TIAM1: variants seen among roughly 807,000 people sequenced by gnomAD.
TIAM1 encodes TIAM Rac1 associated GEF 1, also known as rho guanine nucleotide exchange factor TIAM1.
A neutral mutation model predicts 163.5 loss-of-function variants in TIAM1; 65 were observed. The observed-to-expected ratio is 0.40, with a 90% CI of 0.33 to 0.49. TIAM1 has a LOEUF of 0.49. Ranked by LOEUF, TIAM1 falls within the 20% of genes least tolerant of loss-of-function variation. The pLI, the probability that TIAM1 is intolerant of heterozygous loss-of-function variation, is 0.77. For synonymous variants in TIAM1, 833 were observed against 810.1 expected, an observed-to-expected ratio of 1.03 and a Z score of -0.48; for missense variants, 1,789 against 2,044.7, an observed-to-expected ratio of 0.87 and a Z score of 2.41.
At chr21:31,423,078 GA>G (rs1348431635) in intron 2 of TIAM1, among the ~76,000 whole-genome samples, 1 of 141,696 alleles carries the variant, frequency 7.1e-6, no homozygotes, top group African/African-American at 2.6e-5. Flanking sequence ...AGAGAACTGT[GA>G]ACAGCACTAT....
intron 2 of TIAM1, among the ~76,000 whole-genome samples, chr21:31,290,602 G>A (rs1203717330): frequency 7.3e-6 from 1 of 136,276 alleles, no homozygotes; most frequent in Non-Finnish European, 1.5e-5. Context: ...AGCCAAGGTT[G>A]CCCCACTGCA....
chr21:31,432,267 AT>A (rs2044066049), intron 2 of TIAM1, among the ~76,000 whole-genome samples: 1 of 151,840 alleles, frequency 6.6e-6, no homozygotes, highest in African/African-American at 2.4e-5. Context: ...TGCCCAGCTA[AT>A]TTTTGTATTT....
chr21:31,541,882 C>A (rs767651206), intron 1 of TIAM1, among the ~76,000 whole-genome samples: 4 of 152,214 alleles, frequency 2.6e-5, no homozygotes, highest in African/African-American at 2.4e-5. Context: ...ATGTGCAGCA[C>A]AAAATCCCTT....
rs1404956207 is a variant in TIAM1 at position 31,492,402 on chromosome 21, T to C, written c.-421-28367A>G. On this transcript the variant is annotated intron_variant, in intron 1 of 28. Coordinates refer to the TIAM1 transcript ENST00000286827. ...TCACCTGAGACGAAGGCATATCTGA[T>C]TGCTTCCTCCACCACACTGTTTATG... 2.6e-5 allele frequency among the ~76,000 whole-genome samples: 4 copies of C among 152,168 alleles called. No individual in the cohort carries two copies. In the East Asian group the frequency reaches 7.7e-4, roughly 29 times the overall value.
In TIAM1 at chr21:31,172,479, G is replaced by A. The variant is rs759034350; in HGVS notation, c.2888-7414C>T. Among the ~76,000 whole-genome samples, 6 of 152,244 alleles carry A rather than the reference G, an allele frequency of 3.9e-5. No individual in the cohort carries two copies. In the South Asian group the frequency reaches 1.2e-3, roughly 32 times the overall value. ...ACCTACTTACCAGGAAACAAAGCAC[G>A]ACAGCTCTGCTACCAATCAGAGAGA... On this transcript the variant is annotated intron_variant, in intron 15 of 27. Coordinates refer to ENST00000541036, the MANE Select transcript of TIAM1 (RefSeq NM_001353694.2).
In TIAM1 at chr21:31,193,808, G is replaced by A. The variant is rs1012124545; in HGVS notation, c.2575+1416C>T. 7.2e-5 allele frequency among the ~76,000 whole-genome samples: 11 copies of A among 152,302 alleles called. No homozygotes were observed. The East Asian group carries it at 9.7e-4, about 13-fold the overall frequency. On this transcript the variant is annotated intron_variant, in intron 13 of 27. Coordinates refer to ENST00000541036, the MANE Select transcript of TIAM1 (RefSeq NM_001353694.2). ...GGTGAGTGCCGGCAGTGTGAATCGGGAAAAGCTAGCTGGGACTAAGCATGT... is the reference window on the plus strand; with the variant it reads ...GGTGAGTGCCGGCAGTGTGAATCGGAAAAAGCTAGCTGGGACTAAGCATGT...
intron 19 of TIAM1, among the ~76,000 whole-genome samples, chr21:31,148,804 C>T (rs763104262): frequency 2.6e-5 from 4 of 152,206 alleles, no homozygotes; most frequent in South Asian, 4.1e-4. Flanking sequence ...TGTAGGACTT[C>T]AGAACGCTTC....
intron 1 of TIAM1, among the ~76,000 whole-genome samples, chr21:31,520,199 C>T (rs899746908): frequency 1.3e-4 from 20 of 151,864 alleles, no homozygotes; most frequent in Non-Finnish European, 2.2e-4. Flanking sequence ...GGTGTGGTGG[C>T]GCATGCCTAT....
chr21:31,518,273 G>GT (rs2047448164), intron 1 of TIAM1, among the ~76,000 whole-genome samples: 2 of 151,856 alleles, frequency 1.3e-5, no homozygotes, highest in African/African-American at 2.4e-5. Context: ...AATGAGTGGG[G>GT]TTTTTTTGTG....
chr21:31,391,217 G>T (rs1477571736), intron 2 of TIAM1, among the ~76,000 whole-genome samples: 1 of 152,176 alleles, frequency 6.6e-6, no homozygotes, highest in Non-Finnish European at 1.5e-5. Context: ...GGAGCCAGGG[G>T]TGGGAGGATA....
intron 1 of TIAM1, among the ~76,000 whole-genome samples, chr21:31,491,746 A>C (rs2046475261): frequency 6.6e-6 from 1 of 152,264 alleles, no homozygotes. Context: ...CCCCAAGTTT[A>C]GACATTAAAT....
intron 15 of TIAM1, among the ~76,000 whole-genome samples, chr21:31,174,666 A>T (rs2084678465): frequency 6.6e-6 from 1 of 151,940 alleles, no homozygotes; most frequent in African/African-American, 2.4e-5. Flanking sequence ...TCTTTTTTTG[A>T]GAGAGAGTTT....
chr21:31,405,477 G>A (rs2077231399), intron 2 of TIAM1, among the ~76,000 whole-genome samples: 1 of 151,972 alleles, frequency 6.6e-6, no homozygotes, highest in African/African-American at 2.4e-5. Context: ...CCCTGTATTA[G>A]TCCACTTTCA....
chr21:31,345,901 G>T (rs1161318343), upstream of TIAM1, among the ~76,000 whole-genome samples: 1 of 152,216 alleles, frequency 6.6e-6, no homozygotes. Flanking sequence ...AGTGAGCCAA[G>T]ATCACACCAC....
chr21:31,299,360 G>A (rs1029712971), intron 2 of TIAM1, among the ~76,000 whole-genome samples: 1 of 152,120 alleles, frequency 6.6e-6, no homozygotes, highest in African/African-American at 2.4e-5. Context: ...TTCTGAGAAG[G>A]CATTAACTGC....
chr21:31,496,386 A>AGG lies in TIAM1; in HGVS notation c.-421-32352_-421-32351insCC, dbSNP rs56155285. Among the ~76,000 whole-genome samples the AGG allele has an allele frequency of 1.6e-4, 24 of 150,264 alleles. No individual in the cohort carries two copies. The South Asian group carries it at 4.9e-3, about 30-fold the overall frequency. On this transcript the variant is annotated intron_variant, in intron 1 of 28. Coordinates refer to the TIAM1 transcript ENST00000286827. Reference sequence around the variant, plus strand: ...GCACCAGTAGTCCCAGTTACTTGGGACTGAATCCAGGAGACGAAGTTTGCA... The same window carrying AGG: ...GCACCAGTAGTCCCAGTTACTTGGGAGGCTGAATCCAGGAGACGAAGTTTGCA...
chr21:31,195,941 T>C (rs951019756), intron 12 of TIAM1, among the ~76,000 whole-genome samples: 5 of 152,080 alleles, frequency 3.3e-5, no homozygotes, highest in African/African-American at 1.2e-4. Flanking sequence ...CTAATTAAAC[T>C]AAAGAGCTTC....
chr21:31,358,524 G>A (rs1414904761), intron 2 of TIAM1, among the ~76,000 whole-genome samples: 1 of 152,036 alleles, frequency 6.6e-6, no homozygotes, highest in Non-Finnish European at 1.5e-5. Context: ...TCTTCCAGGT[G>A]CCTTTCCCAG....
At chr21:31,340,869 G>GAA (rs61413047) in intron 1 of TIAM1, among the ~76,000 whole-genome samples, 1 of 143,246 alleles carries the variant, frequency 7.0e-6, no homozygotes, top group Non-Finnish European at 1.5e-5. Context: ...AAACTGAGAG[G>GAA]AAAAAAAAAA....
Sources: allele counts gnomAD v4.1 joint callset (sites outside exome capture counted in the v4.1 genomes callset), GRCh38; gene constraint gnomAD v4.1.1; transcripts MANE v1.5; gene names NCBI Gene and HGNC (gene_info 2026-07-23, HGNC 2026-07-21).